Variants in IPCEF1 observed in about 807,000 individuals in gnomAD.
The protein encoded by IPCEF1 is interaction protein for cytohesin exchange factors 1.
Under a neutral mutation model 50.9 loss-of-function variants are expected in IPCEF1, and 31 were observed. That is an observed-to-expected ratio of 0.61 (90% CI 0.46 to 0.82). The LOEUF (loss-of-function observed/expected upper bound fraction) is 0.82, where lower values mean the gene tolerates loss of function less well. Ranked by LOEUF, IPCEF1 falls within the 40% of genes least tolerant of loss-of-function variation. The pLI is 0.00. For synonymous variants in IPCEF1, 181 were observed against 192.0 expected, an observed-to-expected ratio of 0.94 and a Z score of 0.47; for missense variants, 458 against 514.0, an observed-to-expected ratio of 0.89 and a Z score of 1.05.
At chr6:154,207,754 A>AT (rs564261862) in intron 9 of IPCEF1, among the ~76,000 whole-genome samples, 26 of 151,424 alleles carry the variant, frequency 1.7e-4, no homozygotes, top group Admixed American at 9.2e-4. Context: ...ATTTTAGCTG[A>AT]TTTTTTTTTC....
chr6:154,330,785 C>T (rs985141559), intron 1 of IPCEF1, among the ~76,000 whole-genome samples: 10 of 152,198 alleles, frequency 6.6e-5, no homozygotes, highest in Non-Finnish European at 1.5e-5. Flanking sequence ...GGACACCTTA[C>T]TTCCAATCTT....
intron 5 of IPCEF1, among the ~76,000 whole-genome samples, chr6:154,231,522 G>A (rs919282098): frequency 3.9e-5 from 6 of 152,246 alleles, no homozygotes; most frequent in African/African-American, 1.2e-4. Flanking sequence ...ATACACTGTG[G>A]TATCCACACA....
intron 2 of IPCEF1, among the ~76,000 whole-genome samples, chr6:154,278,881 T>C (rs1782133715): frequency 6.6e-6 from 1 of 150,772 alleles, no homozygotes; most frequent in Non-Finnish European, 1.5e-5. Flanking sequence ...TTTGGGAGGC[T>C]ATGGTGGTGG....
chr6:154,213,251 G>C (rs1778112091), intron 8 of IPCEF1: 1 of 194,156 alleles, frequency 5.2e-6, no homozygotes, highest in Admixed American at 5.5e-5. Context: ...CTTGTGAAGG[G>C]GAGTCTCTGG....
At chr6:154,288,676 CA>C (rs558703057) in intron 2 of IPCEF1, among the ~76,000 whole-genome samples, 711 of 46,926 alleles carry the variant, frequency 0.015, 6 homozygotes, top group East Asian at 0.056. Flanking sequence ...ACAAAAAAAA[CA>C]AAAAAAAAAA....
chr6:154,260,364 C>T (rs747474607), intron 3 of IPCEF1, among the ~76,000 whole-genome samples: 2 of 152,078 alleles, frequency 1.3e-5, no homozygotes, highest in Non-Finnish European at 1.5e-5. Flanking sequence ...CTATGTATAA[C>T]AGTAAAAGAG....
At chr6:154,228,144 C>G (rs550663166) in intron 5 of IPCEF1, among the ~76,000 whole-genome samples, 8 of 152,112 alleles carry the variant, frequency 5.3e-5, no homozygotes. Context: ...TGGGATCCTT[C>G]TTCTTCAATT....
chr6:154,321,600 A>G (rs1783377137), intron 1 of IPCEF1, among the ~76,000 whole-genome samples: 1 of 151,968 alleles, frequency 6.6e-6, no homozygotes, highest in Non-Finnish European at 1.5e-5. Flanking sequence ...CAAAATGGTG[A>G]AACCCCATCT....
chr6:154,321,794 A>C (rs1203429302), intron 1 of IPCEF1, among the ~76,000 whole-genome samples: 9 of 150,498 alleles, frequency 6.0e-5, no homozygotes, highest in African/African-American at 1.9e-4. Flanking sequence ...AAAAAAAAAA[A>C]AAAAAAAAAA....
At chr6:154,232,324 G>A (rs1435468715) in intron 5 of IPCEF1, among the ~76,000 whole-genome samples, 3 of 152,332 alleles carry the variant, frequency 2.0e-5, no homozygotes, top group Middle Eastern at 3.4e-3. Context: ...GGTAGGGAGT[G>A]TGCTTGGAAT....
At chr6:154,285,883 A>C (rs11966566) in intron 2 of IPCEF1, among the ~76,000 whole-genome samples, 11 of 152,172 alleles carry the variant, frequency 7.2e-5, no homozygotes, top group African/African-American at 2.4e-4. Context: ...TCACTTGGTA[A>C]CATAAATCAA....
At chr6:154,268,028 C>T (rs982713104) in intron 2 of IPCEF1, among the ~76,000 whole-genome samples, 11 of 152,230 alleles carry the variant, frequency 7.2e-5, no homozygotes, top group Admixed American at 3.9e-4. Context: ...GTGGGACTGG[C>T]AGCCTGGTCC....
rs150451985 is a variant in IPCEF1, at chr6:154,266,084, T to C, written c.-17-120A>G. 918 of 638,810 alleles carry C rather than the reference T, an allele frequency of 1.4e-3. 7 individuals are homozygous for C. In the African/African-American group the frequency reaches 0.016, roughly 11 times the overall value. The allele number at this position is 638,810 out of a possible 1,614,324, so 39.6% of individuals were successfully genotyped here. On this transcript the variant is annotated intron_variant, in intron 2 of 11. Transcript: ENST00000367220. ...TGATTAATCAATTTTACAATAAAAG[T>C]AATTCATTAAATAGCCTTTCGGCCA...
chr6:154,240,556 T>A (rs1285446323), intron 5 of IPCEF1, among the ~76,000 whole-genome samples: 1 of 152,086 alleles, frequency 6.6e-6, no homozygotes, highest in Non-Finnish European at 1.5e-5. Context: ...TTACTGAAAC[T>A]TGCAGAATAG....
chr6:154,268,678 C>T (rs1781819013), intron 2 of IPCEF1, among the ~76,000 whole-genome samples: 1 of 152,040 alleles, frequency 6.6e-6, no homozygotes, highest in Non-Finnish European at 1.5e-5. Flanking sequence ...AGGCTTTGCA[C>T]CATCTGACCA....
intron 2 of IPCEF1, among the ~76,000 whole-genome samples, chr6:154,283,363 G>A (rs1019847360): frequency 4.7e-5 from 7 of 149,288 alleles, no homozygotes; most frequent in South Asian, 2.1e-4. Flanking sequence ...TTGGGAGGCC[G>A]AGGCGGGTAG....
chr6:154,316,982 C>G (rs890744854), intron 1 of IPCEF1, among the ~76,000 whole-genome samples: 3 of 152,032 alleles, frequency 2.0e-5, no homozygotes, highest in Admixed American at 1.3e-4. Context: ...ACCTCATAGA[C>G]CTAAACTTGA....
At chr6:154,273,731 T>TTC (rs1562575031) in intron 2 of IPCEF1, among the ~76,000 whole-genome samples, 2 of 18,680 alleles carry the variant, frequency 1.1e-4, no homozygotes, top group African/African-American at 4.3e-4. Flanking sequence ...TTTCTTTTTT[T>TTC]TTTTTTTTTT....
chr6:154,345,852 TC>T (rs1784017358), intron 1 of IPCEF1, among the ~76,000 whole-genome samples: 2 of 102,946 alleles, frequency 1.9e-5, no homozygotes, highest in Admixed American at 9.0e-5. Context: ...CACTTTTATC[TC>T]ATTTTTTTTG....
Sources: allele counts gnomAD v4.1 joint callset (sites outside exome capture counted in the v4.1 genomes callset), GRCh38; gene constraint gnomAD v4.1.1; transcripts MANE v1.5; gene names NCBI Gene and HGNC (gene_info 2026-07-23, HGNC 2026-07-21).